Variants in SPMAP2L observed in about 807,000 individuals in gnomAD.
SPMAP2L encodes sperm microtubule associated protein 2 like, also known as sperm microtubule associated protein 2-like.
chr4:56,603,571 T>C, the SPMAP2L span: 1 of 329,408 alleles, frequency 3.0e-6, no homozygotes, highest in Non-Finnish European at 5.5e-6. Context: ...TGCCTCATTA[T>C]CCTTACTGTT....
chr4:56,559,073 A>ATAGG, the SPMAP2L span, among the ~76,000 whole-genome samples: 1 of 151,854 alleles, frequency 6.6e-6, no homozygotes, highest in African/African-American at 2.4e-5. Context: ...AGCTGGGATT[A>ATAGG]TAGGCATGTG....
At chr4:56,542,561 A>G in the SPMAP2L span, among the ~76,000 whole-genome samples, 1 of 151,916 alleles carries the variant, frequency 6.6e-6, no homozygotes, top group South Asian at 2.1e-4. Flanking sequence ...TTCTTCATCA[A>G]TAGACCTTGT....
At chr4:56,583,285 T>A in the SPMAP2L span, among the ~76,000 whole-genome samples, 982 of 138,726 alleles carry the variant, frequency 7.1e-3, 12 homozygotes, top group African/African-American at 0.024. Flanking sequence ...GAAAAAAAAA[T>A]AAAAGGAAAA....
the SPMAP2L span, chr4:56,530,770 CA>C: frequency 1.3e-6 from 2 of 1,535,346 alleles, no homozygotes; most frequent in Admixed American, 3.9e-5. Context: ...CGAAGTCTTC[CA>C]GAAGCCCATT....
the SPMAP2L span, among the ~76,000 whole-genome samples, chr4:56,544,161 G>C: frequency 1.3e-5 from 2 of 151,948 alleles, no homozygotes; most frequent in African/African-American, 4.8e-5. Context: ...GCTAATATTT[G>C]TATTTTTTGT....
chr4:56,564,232 C>T, the SPMAP2L span, among the ~76,000 whole-genome samples: 1 of 151,322 alleles, frequency 6.6e-6, no homozygotes, highest in South Asian at 2.1e-4. Context: ...CTCCCAGGCT[C>T]AAGCGAACCT....
At chr4:56,618,348 A>G in the SPMAP2L span, among the ~76,000 whole-genome samples, 238 of 152,314 alleles carry the variant, frequency 1.6e-3, no homozygotes, top group African/African-American at 5.4e-3. Flanking sequence ...ACCAGCACAA[A>G]AGGAGCGGAC....
chr4:56,551,993 A>G, the SPMAP2L span, among the ~76,000 whole-genome samples: 115 of 152,272 alleles, frequency 7.6e-4, no homozygotes, highest in African/African-American at 2.7e-3. Context: ...AACAACTGCA[A>G]AGGAGGCTGG....
chr4:56,585,312 C>A, the SPMAP2L span, among the ~76,000 whole-genome samples: 5 of 152,060 alleles, frequency 3.3e-5, no homozygotes, highest in Non-Finnish European at 7.4e-5. Flanking sequence ...GTCATAGAAG[C>A]TTTTTGGTTC....
At chr4:56,624,255 G>A in the SPMAP2L span, among the ~76,000 whole-genome samples, 3 of 152,184 alleles carry the variant, frequency 2.0e-5, no homozygotes, top group Non-Finnish European at 2.9e-5. Flanking sequence ...AAATTTCTAA[G>A]CAGCAAAGCA....
chr4:56,542,125 G>A, the SPMAP2L span, among the ~76,000 whole-genome samples: 4 of 152,206 alleles, frequency 2.6e-5, no homozygotes, highest in East Asian at 1.9e-4. Context: ...CAATGAAAAC[G>A]CAGAGGAATG....
At chr4:56,537,148 C>T in the SPMAP2L span, among the ~76,000 whole-genome samples, 4 of 152,164 alleles carry the variant, frequency 2.6e-5, no homozygotes, top group Admixed American at 1.3e-4. Context: ...TCTGTGACAC[C>T]ATAGTCTCCT....
chr4:56,602,869 T>G, the SPMAP2L span, among the ~76,000 whole-genome samples: 10 of 152,160 alleles, frequency 6.6e-5, no homozygotes, highest in Non-Finnish European at 2.9e-5. Flanking sequence ...TGTTTTAACA[T>G]TGACAAATTA....
the SPMAP2L span, among the ~76,000 whole-genome samples, chr4:56,604,911 C>A: frequency 4.6e-5 from 7 of 152,120 alleles, no homozygotes; most frequent in Admixed American, 4.6e-4. Flanking sequence ...AATGGAAAAA[C>A]CAAACATTGT....
chr4:56,618,895 A>G, the SPMAP2L span, among the ~76,000 whole-genome samples: 2 of 152,190 alleles, frequency 1.3e-5, no homozygotes, highest in East Asian at 1.9e-4. Flanking sequence ...TCTGTACGTT[A>G]TCTGTGCAGG....
the SPMAP2L span, among the ~76,000 whole-genome samples, chr4:56,553,180 CTTTTTTTT>C: frequency 8.7e-4 from 26 of 30,012 alleles, no homozygotes; most frequent in African/African-American, 2.5e-3. Flanking sequence ...TCTCCTATTG[CTTTTTTTT>C]TTTTTTTTTT....
chr4:56,617,954 C>G, the SPMAP2L span, among the ~76,000 whole-genome samples: 1 of 152,160 alleles, frequency 6.6e-6, no homozygotes, highest in Non-Finnish European at 1.5e-5. Flanking sequence ...GCTCTTCCAC[C>G]AGTGTGCTCT....
the SPMAP2L span, among the ~76,000 whole-genome samples, chr4:56,581,506 G>C: frequency 6.6e-6 from 1 of 151,906 alleles, no homozygotes; most frequent in Non-Finnish European, 1.5e-5. Context: ...TGTAGTACCA[G>C]CTACTTGGGA....
the SPMAP2L span, among the ~76,000 whole-genome samples, chr4:56,589,492 G>A: frequency 1.3e-5 from 2 of 151,990 alleles, no homozygotes; most frequent in Non-Finnish European, 2.9e-5. Context: ...ATTTTGATGG[G>A]GATTGCACTG....
Sources: gnomAD v4.1 joint callset for allele counts (sites outside exome capture counted in the v4.1 genomes callset) on GRCh38, gnomAD v4.1.1 for gene constraint, MANE v1.5 for transcripts, NCBI Gene and HGNC (gene_info 2026-07-23, HGNC 2026-07-21) for gene names.